The following SESN1 variants were observed in gnomAD, a reference collection of about 807,000 sequenced individuals.
SESN1 encodes sestrin-1.
In SESN1, 30 loss-of-function variants were observed where a neutral mutation model predicts 59.3. That is an observed-to-expected ratio of 0.51 (90% confidence interval 0.38 to 0.69). The LOEUF is 0.69. Among genes scored for constraint, SESN1 ranks in the 30% least tolerant of loss-of-function variants. SESN1 has a pLI of 0.00. For missense variants in SESN1, 566 were observed against 673.0 expected (o/e 0.84, Z 1.76); for synonymous variants, 197 against 219.9 (o/e 0.90, Z 0.92).
chr6:109,080,091 T>C (rs987399931), intron 1 of SESN1, among the ~76,000 whole-genome samples: 3 of 152,194 alleles, frequency 2.0e-5, no homozygotes, highest in Non-Finnish European at 4.4e-5. Flanking sequence ...AATAGTGCAG[T>C]CTTTCAGCTA....
intron 1 of SESN1, among the ~76,000 whole-genome samples, chr6:109,068,561 T>C (rs1029015245): frequency 6.6e-6 from 1 of 152,044 alleles, no homozygotes; most frequent in Non-Finnish European, 1.5e-5. Flanking sequence ...GTCTAACACT[T>C]AACTATTGGT....
rs151123351 is a variant in SESN1 at position 109,039,690 on chromosome 6, C to T, written c.280-37347G>A. ...ATTCTAAACTTGCTAACCCAAATGG[C>T]GAAATGAGTTACTAGAAACGAGAAC... On this transcript the variant is annotated intron_variant, in intron 1 of 9. Coordinates refer to ENST00000436639, the MANE Select transcript of SESN1 (RefSeq NM_014454.3). 2.4e-4 allele frequency among the ~76,000 whole-genome samples: 36 copies of T among 152,294 alleles called. 1 individual carries two copies. Among genetic ancestry groups the T allele is most frequent in the African/African-American group, 6.5e-4 (27 of 41,564 alleles).
At chr6:108,989,466 T>C (rs935687236) in intron 8 of SESN1, among the ~76,000 whole-genome samples, 4 of 146,068 alleles carry the variant, frequency 2.7e-5, no homozygotes, top group African/African-American at 9.8e-5. Context: ...TCTAGAGATA[T>C]AGAAATATCT....
chr6:109,021,875 C>T (rs552108171), intron 1 of SESN1, among the ~76,000 whole-genome samples: 1 of 152,230 alleles, frequency 6.6e-6, no homozygotes, highest in East Asian at 1.9e-4. Flanking sequence ...CTTTTAAACC[C>T]TAATAATTCA....
intron 1 of SESN1, among the ~76,000 whole-genome samples, chr6:109,010,970 A>G (rs969287377): frequency 2.6e-5 from 4 of 152,230 alleles, no homozygotes; most frequent in Non-Finnish European, 5.9e-5. Flanking sequence ...CACTTGATGT[A>G]TGGGATTGTG....
At position 109,001,317 on chromosome 6, in the gene SESN1, G is replaced by GTCACTAT; in HGVS notation, c.516_517insATAGTGA (p.Leu173IlefsTer29). ...ATTCCAATGTAGTGACGATAATGTA[G>GTCACTAT]GGGTAACGGCCCATCCATTTGCAGT... On this transcript the variant is annotated frameshift_variant, in exon 3 of 10. Coordinates refer to ENST00000436639, the MANE Select transcript of SESN1 (RefSeq NM_014454.3). LOFTEE classifies it high-confidence loss of function. 6.2e-7 allele frequency: 1 copy of GTCACTAT among 1,613,722 alleles called. No individual in the cohort carries two copies. The highest frequency in any genetic ancestry group is 8.5e-7 in the Non-Finnish European group (1 of 1,179,696).
At chr6:109,065,550 T>C (rs1367163030) in intron 1 of SESN1, among the ~76,000 whole-genome samples, 1 of 152,076 alleles carries the variant, frequency 6.6e-6, no homozygotes, top group Non-Finnish European at 1.5e-5. Flanking sequence ...CCTTTTTCTT[T>C]CTTAAATAGC....
At chr6:109,009,793 A>G (rs982481079) in intron 1 of SESN1, among the ~76,000 whole-genome samples, 1 of 152,050 alleles carries the variant, frequency 6.6e-6, no homozygotes, top group African/African-American at 2.4e-5. Context: ...GAGGGCCGCG[A>G]GGTGAGCGTG....
rs1020343983 is a variant in SESN1, at chr6:108,994,473, A to G, written c.1109T>C (p.Val370Ala). ...ATGGTTGTTCTTACCTGAAGAGAAGACAAACATACTCTCTCTTTTTTCTAT... is the reference window on the plus strand; with the variant it reads ...ATGGTTGTTCTTACCTGAAGAGAAGGCAAACATACTCTCTCTTTTTTCTAT... ...FEIEKRESMF[V>A]FSSDDEEVTP... The change falls in exon 6 of 10, where the codon GTC (valine) becomes GCC (alanine). Residue 370 changes from valine to alanine, a missense_variant. Val to Ala is a moderately conservative substitution (Grantham distance 64). Coordinates refer to ENST00000436639, the MANE Select transcript of SESN1 (RefSeq NM_014454.3). The G allele has an allele frequency of 1.9e-6, 3 of 1,611,972 alleles. No homozygotes were observed. Among genetic ancestry groups the G allele is most frequent in the Admixed American group, 1.7e-5 (1 of 59,904 alleles).
chr6:109,073,965 T>C (rs1328449246), intron 1 of SESN1, among the ~76,000 whole-genome samples: 1 of 152,206 alleles, frequency 6.6e-6, no homozygotes, highest in Non-Finnish European at 1.5e-5. Flanking sequence ...TATTGGGACA[T>C]ACAGTCACGT....
intron 1 of SESN1, among the ~76,000 whole-genome samples, chr6:109,050,290 C>A (rs1780520584): frequency 6.6e-6 from 1 of 151,444 alleles, no homozygotes; most frequent in South Asian, 2.1e-4. Flanking sequence ...CTGTCTGCAA[C>A]AGCGCCATTA....
chr6:108,998,601 G>A lies in SESN1; in HGVS notation c.884C>T (p.Pro295Leu). 5.0e-6 allele frequency: 8 copies of A among 1,613,948 alleles called. No homozygotes were observed. Among genetic ancestry groups the A allele is most frequent in the Non-Finnish European group, 6.8e-6 (8 of 1,179,842 alleles). ...ACAGATGCAGTAGTTGCTAACAGAA[G>A]GAGGTCTGAATGTGTGGCCACCATC... ...HCDGGHTFRP[P>L]SVSNYCICDI... Residue 295 changes from proline (P) to leucine (L), a missense_variant, in exon 5 of 10, where the codon CCT becomes CTT. Coordinates refer to ENST00000436639, the MANE Select transcript of SESN1 (RefSeq NM_014454.3).
At chr6:108,997,089 T>C (rs988635494) in intron 5 of SESN1, among the ~76,000 whole-genome samples, 3 of 152,148 alleles carry the variant, frequency 2.0e-5, no homozygotes, top group Non-Finnish European at 2.9e-5. Context: ...CTGAGTCAGA[T>C]ACTGGATATG....
intron 1 of SESN1, among the ~76,000 whole-genome samples, chr6:109,035,313 G>A (rs986963871): frequency 6.6e-6 from 1 of 152,104 alleles, no homozygotes; most frequent in African/African-American, 2.4e-5. Flanking sequence ...TAACTTCAGA[G>A]AGCTAAGTCA....
chr6:109,000,774 T>G, intron 3 of SESN1, 101 bp from the exon 4 acceptor site: 1 of 1,020,516 alleles, frequency 9.8e-7, no homozygotes, highest in Non-Finnish European at 1.3e-6. Context: ...TTTATTAGTA[T>G]GTTTTCAAAT....
Position 109,038,886 on chromosome 6 carries a change from AAAG to A in SESN1, c.280-36546_280-36544del, listed in dbSNP as rs373293505. 1.2e-3 allele frequency among the ~76,000 whole-genome samples: 175 copies of A among 151,514 alleles called. 1 individual carries two copies. Among genetic ancestry groups the A allele is most frequent in the African/African-American group, 4.0e-3 (164 of 41,042 alleles). On this transcript the variant is annotated intron_variant, in intron 1 of 9. Coordinates refer to ENST00000436639, the MANE Select transcript of SESN1 (RefSeq NM_014454.3). ...GAGGAGGAAGAAGAAATGAAGAGGA[AAAG>A]AAGAAGGAAGGAGAAAAAAGGAAGG...
intron 1 of SESN1, among the ~76,000 whole-genome samples, chr6:109,078,685 A>T (rs1781069108): frequency 6.6e-6 from 1 of 152,178 alleles, no homozygotes; most frequent in South Asian, 2.1e-4. Flanking sequence ...CTTAAGGGCA[A>T]TAGTTGTTTT....
chr6:109,064,113 T>C (rs184837281), intron 1 of SESN1, among the ~76,000 whole-genome samples: 2 of 152,284 alleles, frequency 1.3e-5, no homozygotes, highest in African/African-American at 4.8e-5. Context: ...CTTAGAATCT[T>C]AGTAAACTAG....
chr6:109,071,828 A>G (rs568867483), intron 1 of SESN1, among the ~76,000 whole-genome samples: 67 of 152,206 alleles, frequency 4.4e-4, no homozygotes, highest in Non-Finnish European at 7.9e-4. Context: ...CCCAGTTTCA[A>G]TCACTTCAAT....
Sources: allele counts gnomAD v4.1 joint callset (sites outside exome capture counted in the v4.1 genomes callset), GRCh38; gene constraint gnomAD v4.1.1; transcripts MANE v1.5; gene names NCBI Gene and HGNC (gene_info 2026-07-23, HGNC 2026-07-21).